The following NEO1 variants were observed in gnomAD, a reference collection of about 807,000 sequenced individuals.
NEO1 encodes the protein neogenin.
Under a neutral mutation model 159.7 loss-of-function variants are expected in NEO1, and 63 were observed. The observed-to-expected ratio is 0.39, with a 90% CI of 0.32 to 0.49. The LOEUF (loss-of-function observed/expected upper bound fraction) is 0.49. NEO1 is among the 20% of genes least tolerant of loss of function. The probability of loss-of-function intolerance (pLI) is 0.85; values close to 1 mark genes in which losing one functional copy is unlikely to be tolerated. For missense variants in NEO1, 1,615 were observed against 1,831.0 expected, an observed-to-expected ratio of 0.88 and a Z score of 2.15; for synonymous variants, 633 against 662.0, an observed-to-expected ratio of 0.96 and a Z score of 0.67.
intron 7 of NEO1, among the ~76,000 whole-genome samples, chr15:73,182,818 G>A (rs1010673311): frequency 6.6e-6 from 1 of 152,174 alleles, no homozygotes; most frequent in African/African-American, 2.4e-5. Flanking sequence ...TGAGGTTTGG[G>A]TGGGGACACA....
At chr15:73,119,010 T>TGC (rs1048732990) in intron 2 of NEO1, among the ~76,000 whole-genome samples, 1 of 151,998 alleles carries the variant, frequency 6.6e-6, no homozygotes, top group African/African-American at 2.4e-5. Flanking sequence ...TGTGTGTGTG[T>TGC]GTGCGCGCAA....
intron 1 of NEO1, among the ~76,000 whole-genome samples, chr15:73,071,322 G>A (rs1018088241): frequency 2.6e-5 from 4 of 152,134 alleles, no homozygotes; most frequent in African/African-American, 9.7e-5. Flanking sequence ...CTGGGGCCTG[G>A]AAATCTGAAT....
chr15:73,249,177 A>G lies in NEO1; in HGVS notation c.1724A>G (p.Tyr575Cys), dbSNP rs751654618. ...GNGEIQNYKL[Y>C]YMEKGTDKEQ... ...GGGGAAATTCAGAATTATAAATTGT[A>G]CTACATGGAAAAGGGGACTGATAAA... The change falls in exon 10 of 29, where the codon TAC becomes TGC. Residue 575 changes from tyrosine to cysteine, a missense_variant. Around this residue, in one of 3 missense-constraint regions of NEO1, gnomAD observed 1,018 missense variants for 1,115.4 expected, o/e 0.91. Transcript: ENST00000261908. 5.6e-6 allele frequency: 9 copies of G among 1,614,074 alleles called. No individual in the cohort carries two copies. The highest frequency in any genetic ancestry group is 6.8e-6 in the Non-Finnish European group (8 of 1,179,926).
chr15:73,126,178 C>CCA (rs1326059408), intron 3 of NEO1, among the ~76,000 whole-genome samples: 1 of 152,092 alleles, frequency 6.6e-6, no homozygotes, highest in Non-Finnish European at 1.5e-5. Context: ...TCATATAAAG[C>CCA]CACACAGACT....
chr15:73,211,185 T>C (rs1476338791), intron 7 of NEO1, among the ~76,000 whole-genome samples: 1 of 152,188 alleles, frequency 6.6e-6, no homozygotes, highest in Admixed American at 6.5e-5. Context: ...CCTCTTGCTG[T>C]AAACAGCTAG....
intron 26 of NEO1, among the ~76,000 whole-genome samples, chr15:73,297,470 A>C (rs970595496): frequency 6.6e-6 from 1 of 152,192 alleles, no homozygotes. Flanking sequence ...ATCTCATTCA[A>C]TCCTCAAAGA....
chr15:73,122,798 C>T lies in NEO1; in HGVS notation c.722C>T (p.Pro241Leu). ...GATGAAGTTGAATTGAAGGTTCTTC[C>T]AGGTATTAACTCATTATCAGGACTG... ...YSDEVELKVLPDPEVISDLVF... is the reference protein window; with the variant it reads ...YSDEVELKVLLDPEVISDLVF... The change falls in exon 3 of 29, where the codon CCA (proline) becomes CTA (leucine). Residue 241 changes from proline (P) to leucine (L), a missense_variant and splice_region_variant. Coordinates refer to ENST00000261908, the MANE Select transcript of NEO1 (RefSeq NM_002499.4). 2 of 1,613,944 alleles carry T rather than the reference C, an allele frequency of 1.2e-6. No homozygotes were observed. The highest frequency in any genetic ancestry group is 1.7e-6 in the Non-Finnish European group (2 of 1,179,832).
chr15:73,300,064 C>G (rs1382024160), intron 27 of NEO1: 1 of 152,180 alleles, frequency 6.6e-6, no homozygotes, highest in Non-Finnish European at 1.5e-5. Context: ...ATGCATGATA[C>G]TAAAATATCA....
chr15:73,114,205 T>C (rs2071161951), intron 1 of NEO1, among the ~76,000 whole-genome samples: 1 of 151,932 alleles, frequency 6.6e-6, no homozygotes, highest in Non-Finnish European at 1.5e-5. Context: ...GGAGTGGTGG[T>C]GGGAATAGCT....
intron 23 of NEO1, among the ~76,000 whole-genome samples, chr15:73,287,308 G>T (rs1211989353): frequency 1.3e-5 from 2 of 152,110 alleles, no homozygotes; most frequent in African/African-American, 4.8e-5. Context: ...GGTTTTTCCT[G>T]TTCAGCTTAA....
Position 73,155,176 on chromosome 15 carries a change from T to G in NEO1, c.1015+19149T>G, listed in dbSNP as rs149125275. 4.6e-5 allele frequency among the ~76,000 whole-genome samples: 7 copies of G among 152,250 alleles called. No individual in the cohort carries two copies. The East Asian group carries it at 1.4e-3, about 29-fold the overall frequency. The stretch of plus-strand genomic sequence containing the variant: ...AAAGAATTTCTCCATTTATGAATCT[T>G]AATCTTGCTGGATATAAAATTCTTG... On this transcript the variant is annotated intron_variant, in intron 5 of 28. Transcript: ENST00000261908.
At chr15:73,070,394 G>A (rs12592184) in intron 1 of NEO1, among the ~76,000 whole-genome samples, 20,225 of 152,082 alleles carry the variant, frequency 0.13, 2,306 homozygotes, top group African/African-American at 0.31. Context: ...TGAAACAAAT[G>A]AAGTGTAATT....
chr15:73,194,493 C>A (rs1567445349), intron 7 of NEO1, among the ~76,000 whole-genome samples: 1 of 152,124 alleles, frequency 6.6e-6, no homozygotes, highest in South Asian at 2.1e-4. Context: ...AAAATGGGAG[C>A]AGGCATGTCA....
intron 7 of NEO1, among the ~76,000 whole-genome samples, chr15:73,235,855 C>G (rs2039141899): frequency 6.6e-6 from 1 of 152,212 alleles, no homozygotes; most frequent in Middle Eastern, 3.2e-3. Context: ...TAGGGTCATC[C>G]ATACTATTCC....
intron 5 of NEO1, among the ~76,000 whole-genome samples, chr15:73,170,915 G>A (rs144406131): frequency 4.6e-5 from 7 of 151,500 alleles, no homozygotes; most frequent in Non-Finnish European, 8.8e-5. Context: ...ATAACCAAAG[G>A]CTGTTAACAT....
rs2067516658 is a variant in NEO1 at position 73,052,797 on chromosome 15, A to G, written c.122A>G (p.Gln41Arg). Residue 41 changes from glutamine (Q) to arginine (R), a missense_variant, in exon 1 of 29, where the codon CAG becomes CGG. Gln to Arg is a conservative substitution (Grantham distance 43). Around this residue, in one of 3 missense-constraint regions of NEO1, gnomAD observed 1,018 missense variants for 1,115.4 expected, o/e 0.91. Coordinates refer to ENST00000261908, the MANE Select transcript of NEO1 (RefSeq NM_002499.4). ...GCCGCCAGGAGCGGCTCCGCGCCGC[A>G]GTCCCCAGGTAAGCGGCGGGCGCGG... ...AAAARSGSAP[Q>R]SPGASIRTFT... is the part of the protein sequence containing the mutation. 1.9e-6 allele frequency: 2 copies of G among 1,033,324 alleles called. No individual in the cohort carries two copies. Among genetic ancestry groups the G allele is most frequent in the South Asian group, 4.1e-5 (1 of 24,454 alleles). The allele number at this position is 1,033,324 out of a possible 1,614,324, so 64.0% of individuals were successfully genotyped here.
chr15:73,244,977 A>AAAAAAC (rs2039700620), intron 9 of NEO1, among the ~76,000 whole-genome samples: 4 of 111,960 alleles, frequency 3.6e-5, no homozygotes, highest in East Asian at 3.4e-4. Context: ...AAAAAAAAAA[A>AAAAAAC]AAAAAACAAC....
At chr15:73,273,115 G>T (rs1273898727) in intron 19 of NEO1, among the ~76,000 whole-genome samples, 4 of 150,848 alleles carry the variant, frequency 2.7e-5, no homozygotes, top group Non-Finnish European at 4.4e-5. Flanking sequence ...TTTTTTCCTT[G>T]TACTTTCAGA....
chr15:73,114,826 T>G (rs192165337), intron 1 of NEO1, among the ~76,000 whole-genome samples: 2 of 152,350 alleles, frequency 1.3e-5, no homozygotes, highest in East Asian at 3.9e-4. Context: ...AGTTACATAG[T>G]AAAGATATAA....
Sources: gnomAD v4.1 joint callset for allele counts (sites outside exome capture counted in the v4.1 genomes callset) on GRCh38, gnomAD v4.1.1 for gene constraint, gnomAD v4.1.1 regional missense constraint, MANE v1.5 for transcripts, NCBI Gene and HGNC (gene_info 2026-07-23, HGNC 2026-07-21) for gene names.